The following USP34 variants were observed in gnomAD, a reference collection of about 807,000 sequenced individuals.
The protein encoded by USP34 is ubiquitin carboxyl-terminal hydrolase 34.
A neutral mutation model predicts 460.3 loss-of-function variants in USP34; 70 were observed. The observed-to-expected ratio is 0.15, with a 90% confidence interval of 0.13 to 0.19. USP34 has a LOEUF of 0.19. Among genes scored for constraint, USP34 ranks in the 10% least tolerant of loss-of-function variants. USP34 has a pLI of 1.00. For synonymous variants in USP34, 1,647 were observed against 1,405.3 expected, an observed-to-expected ratio of 1.17 and a Z score of -3.85; for missense variants, 3,985 against 4,236.2, an observed-to-expected ratio of 0.94 and a Z score of 1.65.
intron 8 of USP34, among the ~76,000 whole-genome samples, chr2:61,371,521 G>T (rs1429912117): frequency 6.6e-6 from 1 of 150,850 alleles, no homozygotes; most frequent in East Asian, 1.9e-4. Flanking sequence ...GCCATACAAC[G>T]TGTTTGTGTT....
chr2:61,470,257 A>G (rs1695908975), intron 1 of USP34, among the ~76,000 whole-genome samples: 2 of 152,260 alleles, frequency 1.3e-5, no homozygotes, highest in African/African-American at 4.8e-5. Flanking sequence ...GGGCGGCCGG[A>G]GGATTTGGAC....
At chr2:61,314,196 C>G (rs1327591565) in intron 25 of USP34, among the ~76,000 whole-genome samples, 1 of 151,820 alleles carries the variant, frequency 6.6e-6, no homozygotes, top group Non-Finnish European at 1.5e-5. Context: ...AAACATATGA[C>G]TCAACTTGAT....
intron 48 of USP34, among the ~76,000 whole-genome samples, chr2:61,251,174 C>T (rs574660733): frequency 5.9e-5 from 9 of 151,940 alleles, no homozygotes; most frequent in Admixed American, 2.0e-4. Flanking sequence ...AATAAATAAA[C>T]GAATCTACTG....
At chr2:61,367,303 T>C (rs1558552949) in intron 10 of USP34, among the ~76,000 whole-genome samples, 1 of 151,462 alleles carries the variant, frequency 6.6e-6, no homozygotes, top group Admixed American at 6.6e-5. Flanking sequence ...GAAGCACGAG[T>C]GCGCGCGCAC....
intron 29 of USP34, among the ~76,000 whole-genome samples, 172 bp from the exon 30 acceptor site, chr2:61,297,097 G>T (rs921107455): frequency 2.0e-5 from 3 of 152,202 alleles, no homozygotes; most frequent in African/African-American, 7.2e-5. Context: ...AAAATTAATA[G>T]CCAAGCAGTG....
At chr2:61,441,395 A>T (rs1694959427) in intron 1 of USP34, among the ~76,000 whole-genome samples, 1 of 151,992 alleles carries the variant, frequency 6.6e-6, no homozygotes. Flanking sequence ...AAAGGCAGTA[A>T]ATTTTGGAGC....
intron 10 of USP34, among the ~76,000 whole-genome samples, chr2:61,356,415 G>T (rs1692105469): frequency 6.6e-6 from 1 of 151,914 alleles, no homozygotes; most frequent in Non-Finnish European, 1.5e-5. Flanking sequence ...GCTTAATCCT[G>T]GAAGGTCAAG....
At chr2:61,206,694 A>G (rs1687129403) in intron 71 of USP34, 66 bp downstream of exon 71, 2 of 1,571,504 alleles carry the variant, frequency 1.3e-6, no homozygotes, top group African/African-American at 1.4e-5. Context: ...GGGGCACATG[A>G]TTTTAAAACC....
Position 61,381,775 on chromosome 2 carries a change from C to A in USP34, c.822-1414G>T, listed in dbSNP as rs143558204. Among the ~76,000 whole-genome samples, 3 of 152,118 alleles carry A rather than the reference C, an allele frequency of 2.0e-5. 1 individual carries two copies. The South Asian group carries it at 6.2e-4, about 32-fold the overall frequency. ...AGGTGACTCCTATGGTTTTTAAATACCATCTTTACACTCACAACTCTTACA... is the reference window on the plus strand; with the variant it reads ...AGGTGACTCCTATGGTTTTTAAATAACATCTTTACACTCACAACTCTTACA... On this transcript the variant is annotated intron_variant, in intron 6 of 79. Transcript: ENST00000398571.
At chr2:61,320,743 C>T (rs1024253971) in intron 21 of USP34, among the ~76,000 whole-genome samples, 2 of 152,090 alleles carry the variant, frequency 1.3e-5, no homozygotes, top group Non-Finnish European at 2.9e-5. Context: ...GGCGTGGTGG[C>T]TCACGCCTGT....
chr2:61,420,241 A>G (rs1264461740), intron 2 of USP34, among the ~76,000 whole-genome samples: 1 of 152,218 alleles, frequency 6.6e-6, no homozygotes, highest in Non-Finnish European at 1.5e-5. Context: ...AGTTAAAATC[A>G]CATTGAGGAA....
At chr2:61,255,897 C>A (rs1454020398) in intron 48 of USP34, among the ~76,000 whole-genome samples, 2 of 152,168 alleles carry the variant, frequency 1.3e-5, no homozygotes, top group East Asian at 1.9e-4. Flanking sequence ...CCCCAAAGGG[C>A]AAGAATACTG....
intron 10 of USP34, among the ~76,000 whole-genome samples, chr2:61,360,416 C>T (rs767191759): frequency 3.9e-5 from 6 of 152,100 alleles, no homozygotes; most frequent in South Asian, 4.1e-4. Context: ...TATCTGAAAA[C>T]GCAATTAAGA....
chr2:61,384,982 A>G (rs188919430), intron 5 of USP34, among the ~76,000 whole-genome samples: 1 of 152,308 alleles, frequency 6.6e-6, no homozygotes, highest in East Asian at 1.9e-4. Flanking sequence ...ATTATCAGAT[A>G]AACACTGAAA....
At chr2:61,412,373 A>G (rs1352740250) in intron 2 of USP34, among the ~76,000 whole-genome samples, 1 of 152,228 alleles carries the variant, frequency 6.6e-6, no homozygotes, top group East Asian at 1.9e-4. Flanking sequence ...TGAAAATATA[A>G]ATTCAGATTA....
In USP34 at chr2:61,317,650, A is replaced by G. The variant is rs749794501; in HGVS notation, c.3282+4T>C. The G allele has an allele frequency of 1.9e-6, 3 of 1,608,740 alleles. No homozygotes were observed. In the South Asian group the frequency reaches 3.3e-5, roughly 18 times the overall value. ...TGCCTAATAAAGTAAGTCTAAATCCATACCTCAGAATTTGAACAACCATCA... is the reference window on the plus strand; with the variant it reads ...TGCCTAATAAAGTAAGTCTAAATCCGTACCTCAGAATTTGAACAACCATCA... On this transcript the variant is annotated splice_donor_region_variant and intron_variant, in intron 23 of 79. Transcript: ENST00000398571.
chr2:61,429,055 CT>C (rs1187367956), intron 1 of USP34, among the ~76,000 whole-genome samples: 1 of 152,116 alleles, frequency 6.6e-6, no homozygotes, highest in Non-Finnish European at 1.5e-5. Context: ...AAAGGATGCG[CT>C]TTGGGAAGAA....
intron 42 of USP34, 175 bp from the exon 43 acceptor site, chr2:61,265,732 A>G: frequency 1.4e-6 from 1 of 740,576 alleles, no homozygotes; most frequent in Non-Finnish European, 1.9e-6. Context: ...TATTCTCTAA[A>G]AATTCAAGAC....
intron 48 of USP34, 102 bp downstream of exon 48, chr2:61,256,282 C>T (rs1298006215): frequency 2.8e-6 from 3 of 1,068,666 alleles, no homozygotes; most frequent in Non-Finnish European, 4.1e-6. Context: ...CTGATTTTAC[C>T]TTCATCATAT....
Sources: gnomAD v4.1 joint callset for allele counts (sites outside exome capture counted in the v4.1 genomes callset) on GRCh38, gnomAD v4.1.1 for gene constraint, MANE v1.5 for transcripts, NCBI Gene and HGNC (gene_info 2026-07-23, HGNC 2026-07-21) for gene names.